The following DIPK1A variants were observed in gnomAD, a reference collection of about 807,000 sequenced individuals.
DIPK1A encodes the protein divergent protein kinase domain 1A, also known as family with sequence similarity 69 member A.
Under a neutral mutation model 40.8 loss-of-function variants are expected in DIPK1A, and 27 were observed. The ratio of observed to expected loss-of-function variants is 0.66; its 90% confidence interval spans 0.49 to 0.91. The LOEUF (loss-of-function observed/expected upper bound fraction) is 0.91. Among genes scored for constraint, DIPK1A ranks in the 40% least tolerant of loss-of-function variants. DIPK1A has a pLI of 0.00. For synonymous variants in DIPK1A, 166 were observed against 171.3 expected, an observed-to-expected ratio of 0.97 and a Z score of 0.24; for missense variants, 412 against 505.7, an observed-to-expected ratio of 0.81 and a Z score of 1.78.
intron 4 of DIPK1A, chr1:92,833,793 T>C (rs1328090190): frequency 4.2e-6 from 3 of 722,218 alleles, no homozygotes; most frequent in African/African-American, 3.6e-5. Context: ...TTTTTCCTTT[T>C]AGTAGGTCTA....
intron 1 of DIPK1A, chr1:92,933,516 T>G (rs143056937): frequency 1.3e-4 from 20 of 152,216 alleles, no homozygotes; most frequent in African/African-American, 4.6e-4. Context: ...CTGGGCAATA[T>G]AGCAAGACCC....
intron 4 of DIPK1A, chr1:92,833,855 A>G (rs1687012924): frequency 3.4e-6 from 2 of 586,992 alleles, no homozygotes; most frequent in Non-Finnish European, 6.0e-6. Context: ...GGTTGCGCTC[A>G]TGCCTGTAAT....
intron 1 of DIPK1A, among the ~76,000 whole-genome samples, chr1:92,903,564 G>A (rs1007961728): frequency 6.6e-6 from 1 of 152,196 alleles, no homozygotes; most frequent in African/African-American, 2.4e-5. Context: ...GCTGGTGAAT[G>A]ACCAACTCAG....
intron 1 of DIPK1A, among the ~76,000 whole-genome samples, chr1:92,901,811 G>C (rs1248534324): frequency 2.0e-5 from 3 of 152,150 alleles, no homozygotes; most frequent in Admixed American, 6.5e-5. Flanking sequence ...ACCCCAAGGA[G>C]AGGGGTGTCA....
chr1:92,875,739 G>T, intron 2 of DIPK1A, among the ~76,000 whole-genome samples: 1 of 149,164 alleles, frequency 6.7e-6, no homozygotes, highest in Non-Finnish European at 1.5e-5. Context: ...AAGAGAGAAA[G>T]TACTGGTGGA....
intron 1 of DIPK1A, among the ~76,000 whole-genome samples, chr1:92,945,494 G>C (rs761967569): frequency 2.6e-5 from 4 of 152,086 alleles, no homozygotes; most frequent in Non-Finnish European, 4.4e-5. Context: ...CATAGAGTTG[G>C]CTCTGCACTA....
rs576122277 is a variant in DIPK1A at position 92,948,789 on chromosome 1, A to G, written c.54+12587T>C. 3.4e-3 allele frequency among the ~76,000 whole-genome samples: 497 copies of G among 144,468 alleles called. 1 individual carries two copies. Among genetic ancestry groups the G allele is most frequent in the Middle Eastern group, 7.3e-3 (2 of 274 alleles). 94.8% of individuals were successfully genotyped at this position (144,468 alleles called of 152,430 possible). A position where few individuals can be genotyped will look rare whatever the true frequency, so the allele number is the denominator to read the frequency against. ...TATGTGTGTGTGTGTATATATATATATGTGTGTGTATATATATATATTTTT... is the reference window on the plus strand; with the variant it reads ...TATGTGTGTGTGTGTATATATATATGTGTGTGTGTATATATATATATTTTT... On this transcript the variant is annotated intron_variant, in intron 1 of 4. Transcript: ENST00000370310.
intron 1 of DIPK1A, among the ~76,000 whole-genome samples, chr1:92,934,385 G>A (rs1468748341): frequency 6.6e-6 from 1 of 152,014 alleles, no homozygotes; most frequent in Admixed American, 6.6e-5. Context: ...AAGATAATGG[G>A]ACAGTTTTGA....
chr1:92,954,657 G>A (rs1164299102), intron 1 of DIPK1A, among the ~76,000 whole-genome samples: 2 of 152,172 alleles, frequency 1.3e-5, no homozygotes, highest in East Asian at 1.9e-4. Flanking sequence ...TTACAGACGT[G>A]AGCCTCCGTG....
intron 1 of DIPK1A, among the ~76,000 whole-genome samples, chr1:92,954,333 G>T (rs1008945255): frequency 3.4e-5 from 5 of 148,606 alleles, no homozygotes; most frequent in African/African-American, 1.2e-4. Flanking sequence ...TAAAAGAAAT[G>T]GATATGTTAA....
intron 1 of DIPK1A, among the ~76,000 whole-genome samples, chr1:92,895,525 A>G (rs1649120836): frequency 6.6e-6 from 1 of 152,130 alleles, no homozygotes; most frequent in Admixed American, 6.5e-5. Context: ...AGAGCTATCT[A>G]TGACAAACCC....
chr1:92,881,950 G>A (rs1648396107), intron 1 of DIPK1A, among the ~76,000 whole-genome samples: 2 of 152,076 alleles, frequency 1.3e-5, no homozygotes, highest in African/African-American at 4.8e-5. Flanking sequence ...ATATTTAAAT[G>A]TCTCTAAGAT....
In DIPK1A at chr1:92,939,045, C is replaced by T. The variant is rs1292324061; in HGVS notation, c.54+22331G>A. On this transcript the variant is annotated intron_variant, in intron 1 of 4. Coordinates refer to ENST00000370310, the MANE Select transcript of DIPK1A (RefSeq NM_001006605.5). ...CCTCACAAGTAGCTGGGATTACAGG[C>T]GCCCGCCACCACGCCTGGCTAATTT... Among the ~76,000 whole-genome samples, 5 of 152,014 alleles carry T rather than the reference C, an allele frequency of 3.3e-5. 1 individual carries two copies. Among genetic ancestry groups the T allele is most frequent in the Admixed American group, 6.6e-5 (1 of 15,258 alleles).
intron 1 of DIPK1A, among the ~76,000 whole-genome samples, chr1:92,958,533 G>A (rs1651934058): frequency 6.6e-6 from 1 of 152,110 alleles, no homozygotes; most frequent in South Asian, 2.1e-4. Context: ...ACTTCTTCCT[G>A]TACTCTTACC....
intron 1 of DIPK1A, among the ~76,000 whole-genome samples, chr1:92,879,096 C>T (rs1429051282): frequency 6.6e-6 from 1 of 151,316 alleles, no homozygotes; most frequent in African/African-American, 2.4e-5. Context: ...GAGAGGATTG[C>T]TTGAGCCTGG....
chr1:92,856,441 G>T (rs996067888), intron 2 of DIPK1A, among the ~76,000 whole-genome samples: 2 of 151,882 alleles, frequency 1.3e-5, no homozygotes, highest in African/African-American at 4.8e-5. Flanking sequence ...TTTTTGAGAC[G>T]GAGTTTCCTC....
In DIPK1A at chr1:92,843,225, C is replaced by G; in HGVS notation, c.*158G>C. On this transcript the variant is annotated 3_prime_UTR_variant, in exon 5 of 5. Transcript: ENST00000370310. ...TCTTGGGGACCTGTTGATCCTACACCTGCCATTACTTCAGTGATCACATAC... is the reference window on the plus strand; with the variant it reads ...TCTTGGGGACCTGTTGATCCTACACGTGCCATTACTTCAGTGATCACATAC... The G allele has an allele frequency of 7.1e-7, 1 of 1,412,968 alleles. No homozygotes were observed. Among genetic ancestry groups the G allele is most frequent in the Non-Finnish European group, 9.2e-7 (1 of 1,082,244 alleles). The allele number at this position is 1,412,968 out of a possible 1,614,324, so 87.5% of individuals were successfully genotyped here.
In DIPK1A at chr1:92,928,332, T is replaced by C. The variant is rs542566395; in HGVS notation, c.54+33044A>G. On this transcript the variant is annotated intron_variant, in intron 1 of 4. Transcript: ENST00000370310. ...TATCTTGTAACAGCATTATTCTATT[T>C]ATCCCAATCCTTTGTGCTACTGTTA... 2.6e-5 allele frequency among the ~76,000 whole-genome samples: 4 copies of C among 152,380 alleles called. No homozygotes were observed. The East Asian group carries it at 7.7e-4, about 29-fold the overall frequency.
At chr1:92,841,024 T>C (rs1044565622), downstream of DIPK1A, among the ~76,000 whole-genome samples, 21 of 152,238 alleles carry the variant, frequency 1.4e-4, no homozygotes, top group African/African-American at 5.1e-4. Context: ...ATTTAACATA[T>C]TCACCTCAAA....
Sources: allele counts gnomAD v4.1 joint callset (sites outside exome capture counted in the v4.1 genomes callset), GRCh38; gene constraint gnomAD v4.1.1; transcripts MANE v1.5; gene names NCBI Gene and HGNC (gene_info 2026-07-23, HGNC 2026-07-21).